Variants in ISCU observed in about 807,000 individuals in gnomAD.
ISCU encodes iron-sulfur cluster assembly enzyme.
Under a neutral mutation model 18.4 loss-of-function variants are expected in ISCU, and 13 were observed. The observed-to-expected ratio is 0.71, with a 90% CI of 0.46 to 1.12. The LOEUF (loss-of-function observed/expected upper bound fraction) is 1.12. Ranked by LOEUF, ISCU falls within the 50% of genes most tolerant of loss-of-function variation. The pLI is 0.00. For missense variants in ISCU, 229 were observed against 208.7 expected, an observed-to-expected ratio of 1.10 and a Z score of -0.60; for synonymous variants, 104 against 87.5, an observed-to-expected ratio of 1.19 and a Z score of -1.06.
intron 4 of ISCU, chr12:108,567,690 C>G: frequency 3.3e-6 from 5 of 1,536,034 alleles, no homozygotes; most frequent in Non-Finnish European, 4.4e-6. Context: ...GGAGAAAACT[C>G]AGCTTTCGCC....
chr12:108,567,404 C>T (rs2030951953), intron 4 of ISCU, 136 bp downstream of exon 4: 1 of 804,660 alleles, frequency 1.2e-6, no homozygotes, highest in East Asian at 2.5e-5. Flanking sequence ...GTCCTTATAA[C>T]CTGCAGAGGG....
intron 3 of ISCU, among the ~76,000 whole-genome samples, chr12:108,566,626 A>G (rs992963255): frequency 6.6e-6 from 1 of 152,178 alleles, no homozygotes; most frequent in African/African-American, 2.4e-5. Flanking sequence ...AGGGCTGTCA[A>G]CCAGACCCCA....
At chr12:108,564,516 T>C (rs1044391760) in intron 2 of ISCU, 124 bp downstream of exon 2, 2 of 739,888 alleles carry the variant, frequency 2.7e-6, no homozygotes, top group African/African-American at 3.5e-5. Context: ...TTGGTCTCCA[T>C]TCCTGTGAGA....
At chr12:108,562,419 C>A (rs2030618734), upstream of ISCU, among the ~76,000 whole-genome samples, 1 of 152,270 alleles carries the variant, frequency 6.6e-6, no homozygotes, top group Admixed American at 6.5e-5. Context: ...CCAGCGACTT[C>A]AGACCTTCCC....
chr12:108,562,905 C>T (rs1478420119), intron 1 of ISCU, 169 bp downstream of exon 1: 4 of 409,518 alleles, frequency 9.8e-6, no homozygotes, highest in Non-Finnish European at 1.7e-5. Flanking sequence ...TGATAAACAA[C>T]AGTTACCGCT....
Position 108,569,045 on chromosome 12 carries a change from T to A in ISCU, c.*129T>A, listed in dbSNP as rs2031033258. ...ATGAGATACGCACAATACTTGCTGT[T>A]CACGTTATGACTCTCATGCAAGCAA... On this transcript the variant is annotated 3_prime_UTR_variant, in exon 5 of 5. Coordinates refer to ENST00000311893, the MANE Select transcript of ISCU (RefSeq NM_213595.4). 3 of 776,114 alleles carry A rather than the reference T, an allele frequency of 3.9e-6. No individual in the cohort carries two copies. The East Asian group carries it at 8.1e-5, about 21-fold the overall frequency. 48.1% of individuals were successfully genotyped at this position (776,114 alleles called of 1,614,324 possible). A position where few individuals can be genotyped will look rare whatever the true frequency, so the allele number is the denominator to read the frequency against.
At chr12:108,561,858 C>T (rs2030580547), upstream of ISCU, among the ~76,000 whole-genome samples, 1 of 151,948 alleles carries the variant, frequency 6.6e-6, no homozygotes, top group Non-Finnish European at 1.5e-5. Flanking sequence ...TTTTTTCAAT[C>T]AGGACATGGT....
intron 1 of ISCU, chr12:108,563,975 G>A: frequency 1.2e-6 from 1 of 851,694 alleles, no homozygotes; most frequent in Non-Finnish European, 2.0e-6. Flanking sequence ...CCCAAGTCTG[G>A]TGATGTAGGT....
chr12:108,568,269 TCA>T, intron 4 of ISCU: 3 of 1,155,934 alleles, frequency 2.6e-6, no homozygotes, highest in Non-Finnish European at 3.2e-6. Flanking sequence ...TCCAGCTCTC[TCA>T]GTTTTTATTT....
intron 4 of ISCU, chr12:108,567,707 C>T (rs186894818): frequency 7.8e-6 from 12 of 1,536,012 alleles, no homozygotes; most frequent in Middle Eastern, 1.7e-4. Context: ...CGCCATAATC[C>T]TGTTTCCTGT....
At chr12:108,565,258 G>A (rs1255706059) in intron 2 of ISCU, 63 bp from the exon 3 acceptor site, 25 of 1,230,648 alleles carry the variant, frequency 2.0e-5, no homozygotes, top group African/African-American at 1.0e-4. Flanking sequence ...GTGAACCTTC[G>A]TGAGTGCCAG....
intron 4 of ISCU, chr12:108,567,879 TTA>T (rs1188943009): frequency 1.4e-6 from 2 of 1,434,284 alleles, no homozygotes; most frequent in Non-Finnish European, 9.5e-7. Flanking sequence ...GGTCTCTGTA[TTA>T]AATCTAATGC....
At position 108,568,996 on chromosome 12, in the gene ISCU, C is replaced by T; in HGVS notation, c.*80C>T. ...TGCAGTCACCTTAGATGTTCAGAAG[C>T]CGCTTCCTCTCCACTGAAGAGCTAT... On this transcript the variant is annotated 3_prime_UTR_variant, in exon 5 of 5. Coordinates refer to ENST00000311893, the MANE Select transcript of ISCU (RefSeq NM_213595.4). The T allele has an allele frequency of 8.4e-7, 1 of 1,197,398 alleles. No homozygotes were observed. Among genetic ancestry groups the T allele is most frequent in the South Asian group, 1.3e-5 (1 of 77,644 alleles). The allele number at this position is 1,197,398 out of a possible 1,614,324, so 74.2% of individuals were successfully genotyped here.
At chr12:108,561,687 AC>A (rs2030570858), upstream of ISCU, among the ~76,000 whole-genome samples, 1 of 152,212 alleles carries the variant, frequency 6.6e-6, no homozygotes, top group Non-Finnish European at 1.5e-5. Context: ...TACCTAGTAG[AC>A]GTTAAATACA....
rs533283101 is a variant in ISCU at position 108,562,661 on chromosome 12, A to C, written c.39A>C (p.Ala13=). ...GGGCTTTCCGTCTGAGGCGGGCGGCATCGGCTCTGCTGCTGCGGAGCCCCC... is the reference window on the plus strand; with the variant it reads ...GGGCTTTCCGTCTGAGGCGGGCGGCCTCGGCTCTGCTGCTGCGGAGCCCCC... The part of the protein sequence containing the change: ...AAGAFRLRRA[A]SALLLRSPRL... Residue 13 remains alanine (A), a synonymous_variant, in exon 1 of 5, where the codon GCA becomes GCC. Transcript: ENST00000311893. 8.0e-5 allele frequency: 117 copies of C among 1,454,916 alleles called. No homozygotes were observed. In the South Asian group the frequency reaches 1.5e-3, roughly 18 times the overall value. 90.1% of individuals were successfully genotyped at this position (1,454,916 alleles called of 1,614,324 possible). A position where few individuals can be genotyped will look rare whatever the true frequency, so the allele number is the denominator to read the frequency against.
At chr12:108,568,367 C>T in intron 4 of ISCU, 1 of 1,095,446 alleles carries the variant, frequency 9.1e-7, no homozygotes. Context: ...CAAATGCCAT[C>T]CCATCAACAG....
intron 4 of ISCU, chr12:108,568,106 T>G: frequency 7.3e-7 from 1 of 1,377,096 alleles, no homozygotes; most frequent in Non-Finnish European, 9.4e-7. Flanking sequence ...TCTTTCCACT[T>G]GATCTGGAAT....
At chr12:108,563,711 GCAGCCTTT>G (rs2030746815) in intron 1 of ISCU, 1 of 333,388 alleles carries the variant, frequency 3.0e-6, no homozygotes, top group Admixed American at 4.3e-5. Flanking sequence ...ACTTGGACTA[GCAGCCTTT>G]CAGCAGCCAG....
intron 1 of ISCU, chr12:108,564,025 T>C (rs2030762550): frequency 5.8e-6 from 8 of 1,381,848 alleles, no homozygotes; most frequent in Non-Finnish European, 6.2e-6. Flanking sequence ...CCTATGGAAC[T>C]AAGACATGAT....
Sources: allele counts gnomAD v4.1 joint callset (sites outside exome capture counted in the v4.1 genomes callset), GRCh38; gene constraint gnomAD v4.1.1; transcripts MANE v1.5; gene names NCBI Gene and HGNC (gene_info 2026-07-23, HGNC 2026-07-21).